CYP2C18: variants seen among roughly 807,000 people sequenced by gnomAD.
CYP2C18 encodes cytochrome P450 family 2 subfamily C member 18.
In CYP2C18, 38 loss-of-function variants were observed where a neutral mutation model predicts 41.3. The observed-to-expected ratio is 0.92, with a 90% CI of 0.71 to 1.21. CYP2C18 has a LOEUF of 1.21. Among genes scored for constraint, CYP2C18 ranks in the 50% most tolerant of loss-of-function variants. The pLI is 0.00. For missense variants in CYP2C18, 635 were observed against 591.4 expected (o/e 1.07, Z -0.77); for synonymous variants, 236 against 210.0 (o/e 1.12, Z -1.07).
Position 94,713,797 on chromosome 10 carries a change from A to G in CYP2C18, c.820-6599A>G, listed in dbSNP as rs181743380. Among the ~76,000 whole-genome samples the G allele has an allele frequency of 1.5e-3, 236 of 152,328 alleles. 1 individual carries two copies. Among genetic ancestry groups the G allele is most frequent in the Non-Finnish European group, 2.7e-3 (186 of 68,026 alleles). On this transcript the variant is annotated intron_variant, in intron 5 of 8. Coordinates refer to ENST00000285979, the MANE Select transcript of CYP2C18 (RefSeq NM_000772.3). ...GTTGAACTAGTTTAAAGTCCCACCA[A>G]CAGTGTGTAAAAGTGTTCCTATTTC...
At chr10:94,726,835 A>G (rs935495843) in intron 7 of CYP2C18, among the ~76,000 whole-genome samples, 3 of 152,148 alleles carry the variant, frequency 2.0e-5, no homozygotes, top group Non-Finnish European at 4.4e-5. Context: ...ATTCCACTTG[A>G]AGCGAGTACA....
chr10:94,728,071 C>G (rs1196532414), intron 7 of CYP2C18, among the ~76,000 whole-genome samples: 2 of 152,056 alleles, frequency 1.3e-5, no homozygotes, highest in Non-Finnish European at 2.9e-5. Context: ...GTAGTCCAGT[C>G]AAGGAACAAG....
intron 7 of CYP2C18, among the ~76,000 whole-genome samples, chr10:94,729,979 T>C (rs1415288577): frequency 6.6e-6 from 1 of 152,154 alleles, no homozygotes; most frequent in Non-Finnish European, 1.5e-5. Context: ...CATTTAAATC[T>C]AAAGTATGTT....
chr10:94,735,176 C>G (rs1440975632), intron 8 of CYP2C18, 87 bp from the exon 9 acceptor site: 3 of 1,315,656 alleles, frequency 2.3e-6, no homozygotes, highest in Non-Finnish European at 3.2e-6. Context: ...TCTATTTAAT[C>G]ATTTATCAAA....
intron 6 of CYP2C18, among the ~76,000 whole-genome samples, chr10:94,721,416 C>A (rs984239461): frequency 1.3e-5 from 2 of 152,000 alleles, no homozygotes; most frequent in African/African-American, 4.8e-5. Flanking sequence ...TTATTATTGG[C>A]AATTCTTTTG....
At chr10:94,732,487 AAAT>A (rs1312971899) in intron 7 of CYP2C18, among the ~76,000 whole-genome samples, 7 of 152,156 alleles carry the variant, frequency 4.6e-5, no homozygotes, top group African/African-American at 1.7e-4. Flanking sequence ...TTCCAAAAGA[AAAT>A]AAATCATTCT....
chr10:94,683,923 C>A lies in CYP2C18; in HGVS notation c.104C>A (p.Pro35His). ...GRGRLPSGPT[P>H]LPIIGNILQL... is the part of the protein sequence containing the mutation. ...GGGAGGCTCCCGTCTGGCCCCACTCCTCTCCCGATTATTGGAAATATCCTG... is the reference window on the plus strand; with the variant it reads ...GGGAGGCTCCCGTCTGGCCCCACTCATCTCCCGATTATTGGAAATATCCTG... Residue 35 changes from proline (P) to histidine (H), a missense_variant, in exon 1 of 9, where the codon CCT becomes CAT. Pro to His is a moderately conservative substitution (Grantham distance 77). Transcript: ENST00000285979. The A allele has an allele frequency of 6.2e-7, 1 of 1,610,792 alleles. No homozygotes were observed. Among genetic ancestry groups the A allele is most frequent in the Non-Finnish European group, 8.5e-7 (1 of 1,178,456 alleles).
chr10:94,684,703 T>G (rs1260203967), intron 1 of CYP2C18, among the ~76,000 whole-genome samples: 1 of 152,136 alleles, frequency 6.6e-6, no homozygotes, highest in Non-Finnish European at 1.5e-5. Flanking sequence ...TCAATTCCTT[T>G]GGGTATATAC....
At chr10:94,702,062 C>T (rs1347741849) in intron 4 of CYP2C18, among the ~76,000 whole-genome samples, 1 of 152,060 alleles carries the variant, frequency 6.6e-6, no homozygotes, top group African/African-American at 2.4e-5. Flanking sequence ...AATAGTGGCC[C>T]CCACTCTCTT....
rs1488862170 is a variant in CYP2C18 at position 94,735,485 on chromosome 10, C to CA, written c.*43dup. The stretch of plus-strand genomic sequence containing the variant: ...TTGGCTGCTCCTGTGCTGTCACCTG[C>CA]AATTCTCCCTTATCAGGGCCATTGG... On this transcript the variant is annotated 3_prime_UTR_variant, in exon 9 of 9. Transcript: ENST00000285979. 1 of 1,598,378 alleles carries CA rather than the reference C, an allele frequency of 6.3e-7. No individual in the cohort carries two copies. The highest frequency in any genetic ancestry group is 8.6e-7 in the Non-Finnish European group (1 of 1,166,458).
At chr10:94,724,631 T>C (rs1430808492) in intron 7 of CYP2C18, 98 bp downstream of exon 7, 24 of 1,192,388 alleles carry the variant, frequency 2.0e-5, no homozygotes, top group Non-Finnish European at 2.6e-5. Flanking sequence ...GAGAGAAGTG[T>C]AAAATTCATA....
At chr10:94,732,144 A>T (rs1847844671) in intron 7 of CYP2C18, among the ~76,000 whole-genome samples, 1 of 152,142 alleles carries the variant, frequency 6.6e-6, no homozygotes, top group Non-Finnish European at 1.5e-5. Flanking sequence ...GAAAACAAAT[A>T]ATGCCATTAA....
chr10:94,699,213 C>T (rs950143171), intron 4 of CYP2C18, among the ~76,000 whole-genome samples: 15 of 152,062 alleles, frequency 9.9e-5, no homozygotes, highest in Middle Eastern at 3.2e-3. Flanking sequence ...TGATGAACAT[C>T]GATGCAAAAA....
At chr10:94,708,788 G>A (rs920462042) in intron 5 of CYP2C18, among the ~76,000 whole-genome samples, 54 of 152,014 alleles carry the variant, frequency 3.6e-4, no homozygotes, top group African/African-American at 1.3e-3. Flanking sequence ...GTCTCTATAG[G>A]TTTGCTATTG....
At chr10:94,712,433 A>G (rs1847455902) in intron 5 of CYP2C18, among the ~76,000 whole-genome samples, 1 of 151,772 alleles carries the variant, frequency 6.6e-6, no homozygotes, top group African/African-American at 2.4e-5. Context: ...AAGTGAGAAT[A>G]TATAGTATTT....
chr10:94,731,770 G>C (rs915292207), intron 7 of CYP2C18, among the ~76,000 whole-genome samples: 6 of 152,154 alleles, frequency 3.9e-5, no homozygotes. Context: ...GCCATATGCA[G>C]AATGAAACTG....
chr10:94,708,754 C>T (rs1031327428), intron 5 of CYP2C18, among the ~76,000 whole-genome samples: 1 of 152,126 alleles, frequency 6.6e-6, no homozygotes, highest in African/African-American at 2.4e-5. Context: ...TGGGGTGGCT[C>T]TAGTCAACAC....
intron 5 of CYP2C18, among the ~76,000 whole-genome samples, chr10:94,716,544 G>T (rs1193071882): frequency 1.3e-5 from 2 of 152,204 alleles, no homozygotes; most frequent in Non-Finnish European, 2.9e-5. Context: ...TGGTCTGAGA[G>T]ACAGTTTGTT....
chr10:94,718,508 A>G (rs1847594262), intron 5 of CYP2C18, among the ~76,000 whole-genome samples: 1 of 152,106 alleles, frequency 6.6e-6, no homozygotes, highest in Non-Finnish European at 1.5e-5. Context: ...GTGGGCATCC[A>G]TATCTTTTTC....
Sources: allele counts gnomAD v4.1 joint callset (sites outside exome capture counted in the v4.1 genomes callset), GRCh38; gene constraint gnomAD v4.1.1; transcripts MANE v1.5; gene names NCBI Gene and HGNC (gene_info 2026-07-23, HGNC 2026-07-21).